The following PDE4D variants were observed in gnomAD, a reference collection of about 807,000 sequenced individuals.
PDE4D encodes phosphodiesterase 4D.
A neutral mutation model predicts 87.4 loss-of-function variants in PDE4D; 24 were observed. The observed-to-expected ratio is 0.27, with a 90% CI of 0.20 to 0.39. PDE4D has a LOEUF of 0.39. Ranked by LOEUF, PDE4D falls within the 10% of genes least tolerant of loss-of-function variation. The pLI is 1.00. For missense variants in PDE4D, 714 were observed against 1,041.0 expected (o/e 0.69, Z 4.32); for synonymous variants, 384 against 383.2 (o/e 1.00, Z -0.02).
chr5:59,503,128 A>G (rs926552311), intron 1 of PDE4D, among the ~76,000 whole-genome samples: 13 of 152,092 alleles, frequency 8.5e-5, no homozygotes, highest in Non-Finnish European at 1.8e-4. Flanking sequence ...TCAGAGTAGC[A>G]AAAAAGGTTA....
intron 1 of PDE4D, among the ~76,000 whole-genome samples, chr5:59,605,458 T>C (rs1216617831): frequency 1.3e-5 from 2 of 152,114 alleles, no homozygotes; most frequent in African/African-American, 2.4e-5. Flanking sequence ...TTTCTTCTTT[T>C]ATTCTCCAAC....
chr5:59,635,246 A>G (rs894599649), intron 1 of PDE4D, among the ~76,000 whole-genome samples: 1 of 152,212 alleles, frequency 6.6e-6, no homozygotes, highest in African/African-American at 2.4e-5. Context: ...GCAGTAATTA[A>G]TAACTTACCA....
intron 1 of PDE4D, among the ~76,000 whole-genome samples, chr5:60,513,403 A>G (rs1750660654): frequency 6.6e-6 from 1 of 152,144 alleles, no homozygotes; most frequent in Non-Finnish European, 1.5e-5. Flanking sequence ...TTTTAAAAGT[A>G]TATGCTCCTA....
chr5:59,128,846 A>G (rs1775881677), intron 5 of PDE4D, among the ~76,000 whole-genome samples: 1 of 152,256 alleles, frequency 6.6e-6, no homozygotes, highest in Non-Finnish European at 1.5e-5. Flanking sequence ...ATTTAGAATC[A>G]TAACATGGAA....
intron 1 of PDE4D, among the ~76,000 whole-genome samples, chr5:60,321,711 C>A (rs1756286769): frequency 6.6e-6 from 1 of 151,802 alleles, no homozygotes. Flanking sequence ...CAAAAAACAG[C>A]CCCATCACAA....
intron 2 of PDE4D, among the ~76,000 whole-genome samples, chr5:60,042,129 G>A (rs1768589793): frequency 6.6e-6 from 1 of 152,108 alleles, no homozygotes; most frequent in Non-Finnish European, 1.5e-5. Context: ...GGGGAGGGGT[G>A]TCTGCTATTA....
At chr5:59,817,747 C>G (rs1376221864) in intron 1 of PDE4D, among the ~76,000 whole-genome samples, 1 of 150,596 alleles carries the variant, frequency 6.6e-6, no homozygotes, top group African/African-American at 2.4e-5. Context: ...CCCACACCCC[C>G]CCCCACACAC....
At chr5:59,898,196 G>T (rs1359172776), upstream of PDE4D, among the ~76,000 whole-genome samples, 2 of 152,158 alleles carry the variant, frequency 1.3e-5, no homozygotes, top group Non-Finnish European at 2.9e-5. Flanking sequence ...TTTCCAACTA[G>T]TTGGAGGCTC....
rs1376850168 is a variant in PDE4D, at chr5:58,987,981, A to G, written c.1552+512T>C. On this transcript the variant is annotated intron_variant, in intron 11 of 14. Coordinates refer to ENST00000340635, the MANE Select transcript of PDE4D (RefSeq NM_001104631.2). The stretch of plus-strand genomic sequence containing the variant: ...CAGTGATGACTTCTTATAAGGTGAG[A>G]TGTTAACAGTGAGAAAAAACCAAAT... 3.9e-5 allele frequency among the ~76,000 whole-genome samples: 6 copies of G among 152,164 alleles called. No homozygotes were observed. The East Asian group carries it at 1.2e-3, about 29-fold the overall frequency.
At chr5:60,457,657 C>T (rs1049114616) in intron 1 of PDE4D, among the ~76,000 whole-genome samples, 3 of 152,146 alleles carry the variant, frequency 2.0e-5, no homozygotes, top group African/African-American at 7.2e-5. Context: ...AGATAGGAAA[C>T]CCTTGAAGTC....
intron 2 of PDE4D, among the ~76,000 whole-genome samples, chr5:59,208,699 T>C (rs943405178): frequency 6.6e-6 from 1 of 152,188 alleles, no homozygotes; most frequent in African/African-American, 2.4e-5. Flanking sequence ...AGTTCAAGGA[T>C]TGAAGAAACT....
rs374924264 is a variant in PDE4D, at chr5:59,125,314, C to T, written c.808+55281G>A. On this transcript the variant is annotated intron_variant, in intron 5 of 14. Transcript: ENST00000340635. Reference sequence around the variant, plus strand: ...TCCAGGTCCATGGTAATTTGGTCCACGAAAGAAATTAACACACCTGAAAAG... The same window carrying T: ...TCCAGGTCCATGGTAATTTGGTCCATGAAAGAAATTAACACACCTGAAAAG... 27 of 978,670 alleles carry T rather than the reference C, an allele frequency of 2.8e-5. 1 individual carries two copies. In the East Asian group the frequency reaches 8.0e-4, roughly 29 times the overall value. The allele number at this position is 978,670 out of a possible 1,614,324, so 60.6% of individuals were successfully genotyped here. A position where few individuals can be genotyped will look rare whatever the true frequency, so the allele number is the denominator to read the frequency against.
At chr5:59,252,701 T>A (rs1449401467) in intron 1 of PDE4D, among the ~76,000 whole-genome samples, 1 of 151,954 alleles carries the variant, frequency 6.6e-6, no homozygotes, top group African/African-American at 2.4e-5. Context: ...TTTAAAAATA[T>A]TTTTTTGTAG....
At chr5:59,658,450 C>T (rs1405365026) in intron 1 of PDE4D, among the ~76,000 whole-genome samples, 8 of 151,724 alleles carry the variant, frequency 5.3e-5, no homozygotes, top group African/African-American at 1.5e-4. Context: ...GGCACGATGT[C>T]GGCTCACTGC....
chr5:59,656,162 G>A (rs1299604409), intron 1 of PDE4D, among the ~76,000 whole-genome samples: 1 of 151,736 alleles, frequency 6.6e-6, no homozygotes, highest in African/African-American at 2.4e-5. Context: ...CCCACATACA[G>A]ACACCTCACA....
intron 1 of PDE4D, among the ~76,000 whole-genome samples, chr5:59,418,852 G>A (rs116130050): frequency 0.051 from 7,812 of 152,116 alleles, 300 homozygotes; most frequent in South Asian, 0.2. Context: ...GTTTTACCAC[G>A]TTGGCCAGGC....
At chr5:60,043,784 G>A (rs986728959) in intron 2 of PDE4D, among the ~76,000 whole-genome samples, 34 of 151,864 alleles carry the variant, frequency 2.2e-4, no homozygotes, top group African/African-American at 6.5e-4. Flanking sequence ...ATTTCTGACC[G>A]AAAAATTTCT....
chr5:59,224,888 A>G (rs1753399519), intron 1 of PDE4D, among the ~76,000 whole-genome samples: 1 of 152,196 alleles, frequency 6.6e-6, no homozygotes, highest in Non-Finnish European at 1.5e-5. Flanking sequence ...TGGACTTCTC[A>G]GCATCCAGAA....
chr5:59,562,399 G>T (rs1007139557), intron 1 of PDE4D, among the ~76,000 whole-genome samples: 1 of 152,040 alleles, frequency 6.6e-6, no homozygotes, highest in Non-Finnish European at 1.5e-5. Context: ...TCCTGAAACG[G>T]CAAAATATAA....
Sources: gnomAD v4.1 joint callset for allele counts (sites outside exome capture counted in the v4.1 genomes callset) on GRCh38, gnomAD v4.1.1 for gene constraint, MANE v1.5 for transcripts, NCBI Gene and HGNC (gene_info 2026-07-23, HGNC 2026-07-21) for gene names.